Variants in TRAK1 observed in about 807,000 individuals in gnomAD.
TRAK1 encodes the protein trafficking kinesin-binding protein 1.
A neutral mutation model predicts 92.1 loss-of-function variants in TRAK1; 33 were observed. The ratio of observed to expected loss-of-function variants is 0.36; its 90% CI spans 0.27 to 0.48. TRAK1 has a LOEUF of 0.48. Ranked by LOEUF, TRAK1 falls within the 20% of genes least tolerant of loss-of-function variation. TRAK1 has a pLI of 0.99. For synonymous variants in TRAK1, 521 were observed against 517.3 expected, an observed-to-expected ratio of 1.01 and a Z score of -0.10; for missense variants, 1,123 against 1,257.9, an observed-to-expected ratio of 0.89 and a Z score of 1.62.
intron 1 of TRAK1, among the ~76,000 whole-genome samples, chr3:42,018,444 A>G (rs1436862953): frequency 2.0e-5 from 3 of 152,212 alleles, no homozygotes; most frequent in Non-Finnish European, 4.4e-5. Context: ...ACAGGAGAGG[A>G]TAGTCTATCC....
intron 1 of TRAK1, among the ~76,000 whole-genome samples, chr3:42,101,482 T>C (rs1706744355): frequency 6.6e-6 from 1 of 152,216 alleles, no homozygotes; most frequent in African/African-American, 2.4e-5. Context: ...CAGTCACCTC[T>C]GAATTATTGG....
intron 9 of TRAK1, 70 bp from the exon 10 acceptor site, chr3:42,194,734 C>A: frequency 6.4e-7 from 1 of 1,558,214 alleles, no homozygotes; most frequent in African/African-American, 1.3e-5. Context: ...TTCTGGCCTT[C>A]GGATGGGCAG....
At chr3:42,078,684 C>T (rs1462845866) in intron 1 of TRAK1, among the ~76,000 whole-genome samples, 9 of 143,926 alleles carry the variant, frequency 6.3e-5, no homozygotes, top group African/African-American at 1.3e-4. Flanking sequence ...ACCTGGGAGG[C>T]GGAGCTTGCA....
At chr3:42,120,489 C>T (rs1331892646) in intron 1 of TRAK1, among the ~76,000 whole-genome samples, 1 of 151,944 alleles carries the variant, frequency 6.6e-6, no homozygotes, top group African/African-American at 2.4e-5. Context: ...GTTCCTGACC[C>T]TCCGTGGTTC....
At chr3:42,076,030 G>C (rs1351767979) in intron 1 of TRAK1, among the ~76,000 whole-genome samples, 1 of 151,474 alleles carries the variant, frequency 6.6e-6, no homozygotes, top group Non-Finnish European at 1.5e-5. Context: ...TTTTAGTAAA[G>C]ATGGGGTTTC....
intron 1 of TRAK1, among the ~76,000 whole-genome samples, chr3:42,124,449 A>G (rs570643122): frequency 6.6e-6 from 1 of 152,318 alleles, no homozygotes; most frequent in African/African-American, 2.4e-5. Flanking sequence ...TTTGATGAGT[A>G]AGCACTGGGA....
intron 1 of TRAK1, among the ~76,000 whole-genome samples, chr3:42,045,900 A>T (rs1390347850): frequency 6.6e-6 from 1 of 152,258 alleles, no homozygotes; most frequent in Non-Finnish European, 1.5e-5. Flanking sequence ...AATGTGCTTT[A>T]TTCAGAGTTA....
intron 4 of TRAK1, 109 bp downstream of exon 4, chr3:42,184,910 C>G: frequency 1.8e-6 from 2 of 1,092,044 alleles, no homozygotes; most frequent in Non-Finnish European, 2.7e-6. Flanking sequence ...AGGACGCTCC[C>G]GAGGGCACGA....
chr3:42,123,410 C>T lies in TRAK1; in HGVS notation c.92-2010C>T, dbSNP rs577078790. On this transcript the variant is annotated intron_variant, in intron 1 of 15. Coordinates refer to ENST00000327628, the MANE Select transcript of TRAK1 (RefSeq NM_001042646.3). ...CCCTGCTGTTCCTGCTTTGGTTCTG[C>T]AGTGAATCCCTGGCCCTGGCCCTGC... Among the ~76,000 whole-genome samples the T allele has an allele frequency of 3.3e-5, 5 of 151,644 alleles. No individual in the cohort carries two copies. The South Asian group carries it at 1.0e-3, about 31-fold the overall frequency.
At chr3:42,038,114 A>T (rs529218223) in intron 1 of TRAK1, among the ~76,000 whole-genome samples, 1 of 152,198 alleles carries the variant, frequency 6.6e-6, no homozygotes, top group Non-Finnish European at 1.5e-5. Context: ...CACTTGCCTG[A>T]TAGAGATTTG....
intron 11 of TRAK1, among the ~76,000 whole-genome samples, chr3:42,199,995 T>A (rs2149464286): frequency 6.6e-6 from 1 of 152,346 alleles, no homozygotes; most frequent in South Asian, 2.1e-4. Flanking sequence ...TCCATCTGAA[T>A]ACACCTAGGG....
intron 2 of TRAK1, among the ~76,000 whole-genome samples, chr3:42,149,760 G>T (rs1040310875): frequency 2.6e-5 from 4 of 152,158 alleles, no homozygotes; most frequent in Non-Finnish European, 5.9e-5. Context: ...CATGGTGGAG[G>T]AGGTGGCAGG....
chr3:42,183,445 A>C (rs1277418670), intron 3 of TRAK1, among the ~76,000 whole-genome samples: 1 of 151,242 alleles, frequency 6.6e-6, no homozygotes. Context: ...AATCCCAGCT[A>C]CCCAAGGGGC....
intron 1 of TRAK1, among the ~76,000 whole-genome samples, chr3:42,046,123 CTA>C (rs1702739608): frequency 6.6e-6 from 1 of 152,112 alleles, no homozygotes; most frequent in African/African-American, 2.4e-5. Context: ...ACTCTCTTTC[CTA>C]TGTCAGGCCG....
chr3:42,183,896 G>A (rs944802405), intron 3 of TRAK1, among the ~76,000 whole-genome samples: 1 of 152,122 alleles, frequency 6.6e-6, no homozygotes, highest in Non-Finnish European at 1.5e-5. Flanking sequence ...TTTTCCCACA[G>A]AGGCTTCCCT....
chr3:42,159,127 C>A (rs1559850179), intron 2 of TRAK1, among the ~76,000 whole-genome samples: 1 of 152,064 alleles, frequency 6.6e-6, no homozygotes, highest in Non-Finnish European at 1.5e-5. Context: ...ATTTAGCTGA[C>A]ATTTTTAGCC....
intron 2 of TRAK1, among the ~76,000 whole-genome samples, chr3:42,150,093 A>G (rs1457684456): frequency 6.6e-6 from 1 of 152,014 alleles, no homozygotes; most frequent in Middle Eastern, 3.2e-3. Flanking sequence ...CAGAGGCTGG[A>G]GAAAAGGCAG....
At chr3:42,160,214 C>T (rs947920362) in intron 2 of TRAK1, 79 of 1,462,878 alleles carry the variant, frequency 5.4e-5, no homozygotes, top group Non-Finnish European at 6.9e-5. Flanking sequence ...TCCACTTCAG[C>T]TGAGCCAGGG....
intron 13 of TRAK1, among the ~76,000 whole-genome samples, chr3:42,205,309 A>G (rs761946862): frequency 6.6e-6 from 1 of 152,104 alleles, no homozygotes; most frequent in Non-Finnish European, 1.5e-5. Flanking sequence ...TAAGATTCCC[A>G]TAATCACCAG....
Sources: gnomAD v4.1 joint callset for allele counts (sites outside exome capture counted in the v4.1 genomes callset) on GRCh38, gnomAD v4.1.1 for gene constraint, MANE v1.5 for transcripts, NCBI Gene and HGNC (gene_info 2026-07-23, HGNC 2026-07-21) for gene names.